The following APBB2 variants were observed in gnomAD, a reference collection of about 807,000 sequenced individuals.
The protein encoded by APBB2 is amyloid beta precursor protein binding family B member 2.
In APBB2, 38 loss-of-function variants were observed where a neutral mutation model predicts 82.5. The observed-to-expected ratio is 0.46, with a 90% CI of 0.36 to 0.60. The LOEUF (loss-of-function observed/expected upper bound fraction) is 0.60, where lower values mean the gene tolerates loss of function less well. Ranked by LOEUF, APBB2 falls within the 20% of genes least tolerant of loss-of-function variation. APBB2 has a pLI of 0.00. For synonymous variants in APBB2, 341 were observed against 368.2 expected (o/e 0.93, Z 0.85); for missense variants, 772 against 972.3 (o/e 0.79, Z 2.74).
intron 7 of APBB2, among the ~76,000 whole-genome samples, chr4:40,937,731 T>C (rs920463811): frequency 3.3e-4 from 50 of 152,346 alleles, no homozygotes; most frequent in Admixed American, 2.7e-3. Flanking sequence ...CTCCAATGTA[T>C]AAGTGACCAT....
At chr4:40,864,588 A>G (rs936513845) in intron 12 of APBB2, among the ~76,000 whole-genome samples, 2 of 152,238 alleles carry the variant, frequency 1.3e-5, no homozygotes, top group African/African-American at 4.8e-5. Context: ...ATCTTTGTTA[A>G]GTGGAAGAGA....
chr4:40,844,241 CCT>C (rs1239748842), intron 12 of APBB2, among the ~76,000 whole-genome samples: 3 of 152,182 alleles, frequency 2.0e-5, no homozygotes, highest in Non-Finnish European at 4.4e-5. Flanking sequence ...TTCCAGGGCC[CCT>C]CTGTGTGCCA....
chr4:41,042,317 A>G (rs945468513), intron 4 of APBB2, among the ~76,000 whole-genome samples: 1 of 152,218 alleles, frequency 6.6e-6, no homozygotes, highest in Non-Finnish European at 1.5e-5. Context: ...TTCCAAAGGC[A>G]TTAACATCTG....
chr4:40,977,621 CT>C (rs1184607055), intron 6 of APBB2, among the ~76,000 whole-genome samples: 58 of 152,266 alleles, frequency 3.8e-4, no homozygotes, highest in African/African-American at 1.3e-3. Context: ...TCTCAATAAA[CT>C]TTTAAAGAAA....
chr4:40,872,947 G>T (rs765005876), intron 12 of APBB2, among the ~76,000 whole-genome samples: 1 of 151,976 alleles, frequency 6.6e-6, no homozygotes, highest in Non-Finnish European at 1.5e-5. Flanking sequence ...AATTAGCTGG[G>T]CGTGGTGTTG....
At chr4:40,960,950 G>A (rs1196775323) in intron 6 of APBB2, among the ~76,000 whole-genome samples, 1 of 143,542 alleles carries the variant, frequency 7.0e-6, no homozygotes, top group Non-Finnish European at 1.5e-5. Flanking sequence ...CAATTTCCAA[G>A]AGCCCTCCTT....
chr4:40,986,922 A>C (rs997009579), intron 6 of APBB2, among the ~76,000 whole-genome samples: 1 of 152,234 alleles, frequency 6.6e-6, no homozygotes, highest in African/African-American at 2.4e-5. Flanking sequence ...TACGACAGGA[A>C]TGGGGGAAAT....
chr4:41,059,519 C>T (rs574045113), intron 4 of APBB2, among the ~76,000 whole-genome samples: 7 of 152,236 alleles, frequency 4.6e-5, no homozygotes, highest in Admixed American at 2.0e-4. Context: ...TGGGTTTACG[C>T]GAATGAGGGC....
chr4:41,026,428 A>C (rs1714260517), intron 5 of APBB2, among the ~76,000 whole-genome samples: 1 of 152,214 alleles, frequency 6.6e-6, no homozygotes. Flanking sequence ...GCATCCAATA[A>C]TACTATCTAA....
chr4:40,837,049 C>T (rs1173654513), intron 12 of APBB2, among the ~76,000 whole-genome samples: 1 of 152,204 alleles, frequency 6.6e-6, no homozygotes, highest in Non-Finnish European at 1.5e-5. Context: ...AGGGTAGGTC[C>T]TTGATTTTCT....
chr4:40,937,277 A>G (rs1161385224), intron 7 of APBB2, among the ~76,000 whole-genome samples: 1 of 152,186 alleles, frequency 6.6e-6, no homozygotes, highest in Non-Finnish European at 1.5e-5. Flanking sequence ...TCCCCAAGGG[A>G]CCCTATATGT....
chr4:41,211,816 G>T (rs1179100017), intron 1 of APBB2, among the ~76,000 whole-genome samples: 2 of 152,162 alleles, frequency 1.3e-5, no homozygotes, highest in Non-Finnish European at 2.9e-5. Context: ...AATTGAAAAA[G>T]GTACAGAGAC....
intron 6 of APBB2, among the ~76,000 whole-genome samples, chr4:40,972,796 T>G (rs140422281): frequency 0.034 from 5,219 of 152,318 alleles, 131 homozygotes; most frequent in Middle Eastern, 0.071. Flanking sequence ...TTGGTGACAT[T>G]AGACTATTAG....
At chr4:41,040,308 C>G (rs972747097) in intron 4 of APBB2, among the ~76,000 whole-genome samples, 7 of 152,120 alleles carry the variant, frequency 4.6e-5, no homozygotes, top group East Asian at 1.9e-4. Flanking sequence ...AGGTTTTAAA[C>G]ATTTTCCCCC....
chr4:41,152,753 C>G (rs774445747), intron 1 of APBB2, among the ~76,000 whole-genome samples: 11 of 152,178 alleles, frequency 7.2e-5, no homozygotes, highest in Non-Finnish European at 1.0e-4. Context: ...AGTGAAGATG[C>G]CTTCCTCCTG....
chr4:40,921,412 T>A, intron 10 of APBB2, among the ~76,000 whole-genome samples: 1 of 152,230 alleles, frequency 6.6e-6, no homozygotes, highest in East Asian at 1.9e-4. Flanking sequence ...TGCATGGTGG[T>A]TCTGAGAATC....
intron 10 of APBB2, among the ~76,000 whole-genome samples, chr4:40,920,747 T>C (rs1409376016): frequency 6.6e-6 from 1 of 152,234 alleles, no homozygotes; most frequent in African/African-American, 2.4e-5. Flanking sequence ...GGCATGCACC[T>C]GTAATCCCAG....
intron 12 of APBB2, among the ~76,000 whole-genome samples, chr4:40,843,794 T>C (rs1263334083): frequency 6.6e-6 from 1 of 152,212 alleles, no homozygotes; most frequent in Non-Finnish European, 1.5e-5. Context: ...TCAGTATTAC[T>C]GTTCTGACAG....
intron 10 of APBB2, among the ~76,000 whole-genome samples, chr4:40,930,464 C>CGT (rs1783915023): frequency 1.5e-5 from 2 of 133,018 alleles, no homozygotes; most frequent in African/African-American, 7.1e-5. Context: ...CGCGCGCGCG[C>CGT]GCGTGCGCGT....
Sources: allele counts gnomAD v4.1 joint callset (sites outside exome capture counted in the v4.1 genomes callset), GRCh38; gene constraint gnomAD v4.1.1; transcripts MANE v1.5; gene names NCBI Gene and HGNC (gene_info 2026-07-23, HGNC 2026-07-21).